RYK: variants seen among roughly 807,000 people sequenced by gnomAD.
RYK encodes inactive tyrosine-protein kinase RYK.
RYK carries 21 observed loss-of-function variants against 70.2 expected under a neutral mutation model. The ratio of observed to expected loss-of-function variants is 0.30; its 90% CI spans 0.21 to 0.43. RYK has a LOEUF of 0.43. RYK is among the 20% of genes least tolerant of loss of function. The pLI, the probability that RYK is intolerant of heterozygous loss-of-function variation, is 1.00. For missense variants in RYK, 604 were observed against 753.3 expected (o/e 0.80, Z 2.32); for synonymous variants, 267 against 278.0 (o/e 0.96, Z 0.39).
intron 1 of RYK, among the ~76,000 whole-genome samples, chr3:134,229,580 A>T (rs1439431128): frequency 6.6e-6 from 1 of 152,106 alleles, no homozygotes; most frequent in Admixed American, 6.5e-5. Flanking sequence ...TCCCTCAAAA[A>T]ACATTAAGAA....
At chr3:134,167,898 A>G (rs541041623) in intron 13 of RYK, among the ~76,000 whole-genome samples, 1 of 152,244 alleles carries the variant, frequency 6.6e-6, no homozygotes, top group Non-Finnish European at 1.5e-5. Context: ...TAATATCCAG[A>G]ATCTACAAAG....
Position 134,209,794 on chromosome 3 carries a change from C to T in RYK, c.490G>A (p.Asp164Asn). Residue 164 changes from aspartate to asparagine, a missense_variant, in exon 4 of 15, where the codon GAT becomes AAT. Transcript: ENST00000623711. ...TGCATTAGTATCATAACTTCAGAAT[C>T]TACTTTGCCAGTACAGGAAAGCTCT... ...RVELSCTGKVDSEVMILMQLN... is the reference protein window; with the variant it reads ...RVELSCTGKVNSEVMILMQLN... 6.6e-7 allele frequency: 1 copy of T among 1,514,318 alleles called. No homozygotes were observed. Among genetic ancestry groups the T allele is most frequent in the Non-Finnish European group, 8.8e-7 (1 of 1,133,720 alleles). The allele number at this position is 1,514,318 out of a possible 1,614,324, so 93.8% of individuals were successfully genotyped here.
chr3:134,249,371 C>T (rs762494054), intron 1 of RYK, among the ~76,000 whole-genome samples: 1 of 151,928 alleles, frequency 6.6e-6, no homozygotes, highest in Non-Finnish European at 1.5e-5. Flanking sequence ...AGTCTTATTA[C>T]TTAAAAAAAA....
chr3:134,239,933 G>A (rs147550147), intron 1 of RYK, among the ~76,000 whole-genome samples: 7 of 152,252 alleles, frequency 4.6e-5, no homozygotes, highest in East Asian at 3.9e-4. Flanking sequence ...GGGAAAGAAC[G>A]CAAGGCAGAG....
chr3:134,202,679 T>C (rs1243357292), intron 6 of RYK, 51 bp downstream of exon 6: 8 of 1,555,656 alleles, frequency 5.1e-6, no homozygotes, highest in Non-Finnish European at 6.2e-6. Flanking sequence ...CTCCCACATA[T>C]ATACAAATAA....
intron 14 of RYK, 32 bp from the exon 15 acceptor site, chr3:134,158,296 A>T (rs1233702635): frequency 7.0e-7 from 1 of 1,420,904 alleles, no homozygotes; most frequent in Non-Finnish European, 9.6e-7. Context: ...AATTTGGGCT[A>T]GTAAGGATAC....
chr3:134,207,451 A>AGATAATAC, intron 5 of RYK, 21 bp downstream of exon 5: 1 of 1,483,756 alleles, frequency 6.7e-7, no homozygotes, highest in Non-Finnish European at 9.1e-7. Context: ...TAATGGATAA[A>AGATAATAC]GATAATACAG....
intron 13 of RYK, among the ~76,000 whole-genome samples, chr3:134,162,062 G>A (rs2012491812): frequency 6.6e-6 from 1 of 152,132 alleles, no homozygotes; most frequent in Non-Finnish European, 1.5e-5. Flanking sequence ...CAGCCCTGCA[G>A]TCCCTGCCTC....
chr3:134,208,226 A>G (rs995431047), intron 4 of RYK, among the ~76,000 whole-genome samples: 1 of 152,212 alleles, frequency 6.6e-6, no homozygotes, highest in Non-Finnish European at 1.5e-5. Context: ...ACCTTAGCAG[A>G]TATTAGCACT....
intron 13 of RYK, among the ~76,000 whole-genome samples, chr3:134,167,314 C>T (rs1232035808): frequency 6.6e-6 from 1 of 152,160 alleles, no homozygotes; most frequent in Non-Finnish European, 1.5e-5. Context: ...AAGAACAAAG[C>T]TGGAGGTATC....
intron 6 of RYK, among the ~76,000 whole-genome samples, chr3:134,200,385 G>A (rs1005352177): frequency 6.6e-6 from 1 of 152,120 alleles, no homozygotes; most frequent in East Asian, 1.9e-4. Context: ...CCTGAAGTCA[G>A]TGAGACCATG....
At chr3:134,180,677 AATGTGTG>A (rs2013264530) in intron 10 of RYK, 1 of 152,208 alleles carries the variant, frequency 6.6e-6, no homozygotes, top group African/African-American at 2.4e-5. Context: ...ATCAAAACAA[AATGTGTG>A]ATAGGCCCTG....
Position 134,172,305 on chromosome 3 carries a change from A to G in RYK, c.1575+3304T>C, listed in dbSNP as rs558278579. ...ATGTTTAGATGTGAGCTTTTACTAAAGGAGTAAATTTGAGATCACACTGCT... is the reference window on the plus strand; with the variant it reads ...ATGTTTAGATGTGAGCTTTTACTAAGGGAGTAAATTTGAGATCACACTGCT... On this transcript the variant is annotated intron_variant, in intron 13 of 14. Coordinates refer to ENST00000623711, the MANE Select transcript of RYK (RefSeq NM_002958.4). 2.5e-4 allele frequency among the ~76,000 whole-genome samples: 38 copies of G among 152,322 alleles called. No individual in the cohort carries two copies. The South Asian group carries it at 7.7e-3, about 31-fold the overall frequency.
At chr3:134,224,261 A>G (rs370421749) in intron 1 of RYK, among the ~76,000 whole-genome samples, 17 of 152,256 alleles carry the variant, frequency 1.1e-4, no homozygotes, top group South Asian at 4.1e-4. Context: ...GTCATCTCCA[A>G]TGATAGGTAA....
At chr3:134,208,785 C>T (rs2014295738) in intron 4 of RYK, among the ~76,000 whole-genome samples, 1 of 152,204 alleles carries the variant, frequency 6.6e-6, no homozygotes, top group South Asian at 2.1e-4. Flanking sequence ...CTCTGAAGCT[C>T]AGCTTCCTTT....
At chr3:134,244,357 A>C (rs1422348365) in intron 1 of RYK, among the ~76,000 whole-genome samples, 5 of 152,172 alleles carry the variant, frequency 3.3e-5, no homozygotes, top group African/African-American at 1.2e-4. Context: ...AATAATAAAG[A>C]CCACAAACAA....
At chr3:134,180,689 G>A (rs1218137116) in intron 10 of RYK, 1 of 152,160 alleles carries the variant, frequency 6.6e-6, no homozygotes, top group Non-Finnish European at 1.5e-5. Context: ...TGTGTGATAG[G>A]CCCTGGTCAC....
intron 1 of RYK, among the ~76,000 whole-genome samples, chr3:134,234,128 A>G (rs981874427): frequency 6.6e-6 from 1 of 152,120 alleles, no homozygotes; most frequent in African/African-American, 2.4e-5. Flanking sequence ...AAAAACAATA[A>G]AAGTGTTCAA....
intron 1 of RYK, among the ~76,000 whole-genome samples, chr3:134,230,248 G>A (rs556136717): frequency 2.4e-4 from 37 of 152,170 alleles, no homozygotes; most frequent in African/African-American, 8.9e-4. Context: ...CACCACGCCC[G>A]GCTAATTTTT....
Sources: gnomAD v4.1 joint callset for allele counts (sites outside exome capture counted in the v4.1 genomes callset) on GRCh38, gnomAD v4.1.1 for gene constraint, MANE v1.5 for transcripts, NCBI Gene and HGNC (gene_info 2026-07-23, HGNC 2026-07-21) for gene names.